The following RAB33A variants were observed in gnomAD, a reference collection of about 807,000 sequenced individuals.
RAB33A encodes ras-related protein Rab-33A.
In RAB33A, 6 loss-of-function variants were observed where a neutral mutation model predicts 12.0. That is an observed-to-expected ratio of 0.50 (90% CI 0.27 to 0.99). The LOEUF (loss-of-function observed/expected upper bound fraction) is 0.99. RAB33A is among the 50% of genes least tolerant of loss of function. The pLI is 0.11. For synonymous variants in RAB33A, 70 were observed against 82.4 expected (o/e 0.85, Z 0.81); for missense variants, 109 against 192.0 (o/e 0.57, Z 2.55).
At chrX:130,125,833 A>T in the RAB33A span, among the ~76,000 whole-genome samples, 4 of 111,707 alleles carry the variant, frequency 3.6e-5, no homozygotes, top group African/African-American at 6.5e-5. Flanking sequence ...ACAAATGTTG[A>T]CCTCATCCTT....
chrX:130,161,609 CTTTT>C, the RAB33A span, among the ~76,000 whole-genome samples: 1 of 96,568 alleles, frequency 1.0e-5, no homozygotes. Context: ...ATTTATCAGC[CTTTT>C]TTTTTTTTTT....
At chrX:130,138,853 T>G in the RAB33A span, 1 of 471,855 alleles carries the variant, frequency 2.1e-6, no homozygotes, top group African/African-American at 2.4e-5. Context: ...TAATGCAAAT[T>G]TATTTCTTCA....
chrX:130,129,836 C>A, the RAB33A span: 1 of 874,405 alleles, frequency 1.1e-6, no homozygotes, highest in Non-Finnish European at 1.7e-6. Context: ...TGAGCCAAGG[C>A]TATACCTTTG....
chrX:130,148,559 C>T, the RAB33A span, among the ~76,000 whole-genome samples: 1 of 111,095 alleles, frequency 9.0e-6, no homozygotes, highest in Non-Finnish European at 1.9e-5. Flanking sequence ...TTCGGCTGGG[C>T]GTGGTGGCTC....
At chrX:130,137,748 A>G in the RAB33A span, 1 of 1,026,901 alleles carries the variant, frequency 9.7e-7, no homozygotes, top group Non-Finnish European at 1.2e-6. Flanking sequence ...CATAGAGGGT[A>G]GAGGAAAAGA....
chrX:130,118,505 T>G, the RAB33A span, among the ~76,000 whole-genome samples: 2 of 112,742 alleles, frequency 1.8e-5, no homozygotes, highest in Non-Finnish European at 3.8e-5. Context: ...CACTCTTCAG[T>G]TTCCCCACCC....
At chrX:130,126,027 A>G in the RAB33A span, among the ~76,000 whole-genome samples, 1 of 112,481 alleles carries the variant, frequency 8.9e-6, no homozygotes, top group Admixed American at 9.4e-5. Context: ...TGGCCAAGGA[A>G]AGCGAGGTTG....
chrX:130,147,374 GACTCT>G, the RAB33A span: 6 of 899,694 alleles, frequency 6.7e-6, no homozygotes, highest in African/African-American at 3.9e-5. Context: ...GACCACAGTA[GACTCT>G]AGTGGACAGC....
the RAB33A span, among the ~76,000 whole-genome samples, chrX:130,146,185 C>G: frequency 9.0e-6 from 1 of 111,453 alleles, no homozygotes; most frequent in Non-Finnish European, 1.9e-5. Flanking sequence ...GGTCTATAAC[C>G]CCAGTGCTTT....
rs1348167056 is a variant in RAB33A, at chrX:130,172,024, C to T, written c.-39C>T. On this transcript the variant is annotated 5_prime_UTR_variant, in exon 1 of 2. Transcript: ENST00000257017. ...CGTGGACGTTCTCTTTGTGTGGAGC[C>T]CTCAAGGGGGGTTGGGGCCCCGGTT... is the stretch of plus-strand genomic sequence containing the variant. 2.6e-6 allele frequency: 3 copies of T among 1,174,032 alleles called. No homozygotes were observed. The highest frequency in any genetic ancestry group is 3.4e-6 in the Non-Finnish European group (3 of 878,465).
chrX:130,117,016 A>G, the RAB33A span, among the ~76,000 whole-genome samples: 1 of 112,087 alleles, frequency 8.9e-6, no homozygotes, highest in African/African-American at 3.2e-5. Flanking sequence ...GATCGAGACC[A>G]TCCTGGCTAA....
At chrX:130,114,308 C>T in the RAB33A span, among the ~76,000 whole-genome samples, 104 of 111,926 alleles carry the variant, frequency 9.3e-4, no homozygotes, top group African/African-American at 3.0e-3. Context: ...GCCCCATGAT[C>T]TGCGCGTTGC....
chrX:130,179,065 C>T (rs937665446), intron 1 of RAB33A, among the ~76,000 whole-genome samples: 6 of 109,421 alleles, frequency 5.5e-5, no homozygotes, highest in African/African-American at 1.7e-4. Flanking sequence ...TTTTCTGCTG[C>T]GAGCAGCCTG....
At chrX:130,111,270 C>A in the RAB33A span, among the ~76,000 whole-genome samples, 1 of 112,070 alleles carries the variant, frequency 8.9e-6, no homozygotes, top group African/African-American at 3.2e-5. Flanking sequence ...GCTCGTTCCG[C>A]GCCCTTCCCG....
chrX:130,139,577 A>T, the RAB33A span, among the ~76,000 whole-genome samples: 1 of 111,307 alleles, frequency 9.0e-6, no homozygotes, highest in Non-Finnish European at 1.9e-5. Context: ...TGCAAGCAAT[A>T]CAAACACTCC....
the RAB33A span, among the ~76,000 whole-genome samples, chrX:130,159,201 A>G: frequency 8.9e-6 from 1 of 111,838 alleles, no homozygotes; most frequent in African/African-American, 3.3e-5. Flanking sequence ...ATGAGTTATG[A>G]AAACTTGATA....
chrX:130,114,218 G>A, the RAB33A span, among the ~76,000 whole-genome samples: 1 of 112,157 alleles, frequency 8.9e-6, no homozygotes, highest in African/African-American at 3.2e-5. Context: ...TGGCCCTAAT[G>A]CCTGCCAGCG....
intron 1 of RAB33A, among the ~76,000 whole-genome samples, chrX:130,172,663 C>T (rs1375160687): frequency 8.9e-6 from 1 of 111,924 alleles, no homozygotes; most frequent in Non-Finnish European, 1.9e-5. Context: ...ATCTGTGGGT[C>T]CTAGTCTCTG....
At chrX:130,156,444 G>A in the RAB33A span, 81 of 1,208,696 alleles carry the variant, frequency 6.7e-5, no homozygotes, top group Non-Finnish European at 8.8e-5. Context: ...CTTTATACAC[G>A]CTGCTTTTCT....
Sources: allele counts gnomAD v4.1 joint callset (sites outside exome capture counted in the v4.1 genomes callset), GRCh38; gene constraint gnomAD v4.1.1; transcripts MANE v1.5; gene names NCBI Gene and HGNC (gene_info 2026-07-23, HGNC 2026-07-21).